Variants in SLC17A5 observed in about 807,000 individuals in gnomAD.
SLC17A5 encodes sialin.
SLC17A5 carries 47 observed loss-of-function variants against 59.4 expected under a neutral mutation model. That is an observed-to-expected ratio of 0.79 (90% CI 0.63 to 1.01). SLC17A5 has a LOEUF of 1.01. SLC17A5 is among the 50% of genes least tolerant of loss of function. The pLI, the probability that SLC17A5 is intolerant of heterozygous loss-of-function variation, is 0.00. For synonymous variants in SLC17A5, 202 were observed against 210.7 expected, an observed-to-expected ratio of 0.96 and a Z score of 0.36; for missense variants, 522 against 595.5, an observed-to-expected ratio of 0.88 and a Z score of 1.28.
intron 10 of SLC17A5, among the ~76,000 whole-genome samples, chr6:73,595,902 A>T (rs1766769824): frequency 6.9e-6 from 1 of 145,482 alleles, no homozygotes; most frequent in African/African-American, 2.5e-5. Context: ...GTGTATATAT[A>T]TGTATATATA....
At chr6:73,614,160 G>C (rs1423378036) in intron 8 of SLC17A5, among the ~76,000 whole-genome samples, 1 of 152,216 alleles carries the variant, frequency 6.6e-6, no homozygotes, top group African/African-American at 2.4e-5. Flanking sequence ...TAGCTACTCA[G>C]GAGGCTGAGG....
At chr6:73,651,354 G>C (rs1250588619) in intron 1 of SLC17A5, among the ~76,000 whole-genome samples, 1 of 149,766 alleles carries the variant, frequency 6.7e-6, no homozygotes, top group Admixed American at 6.7e-5. Context: ...CCAGCTACTC[G>C]GGAGGCTGAG....
chr6:73,646,680 T>TG (rs1491473131), intron 1 of SLC17A5, among the ~76,000 whole-genome samples: 1 of 129,278 alleles, frequency 7.7e-6, no homozygotes, highest in East Asian at 2.2e-4. Flanking sequence ...TTTTTCTTTC[T>TG]TTTTTTTTTT....
chr6:73,648,361 G>A (rs1298692263), intron 1 of SLC17A5, among the ~76,000 whole-genome samples: 1 of 152,178 alleles, frequency 6.6e-6, no homozygotes, highest in Non-Finnish European at 1.5e-5. Flanking sequence ...AAGGAACATG[G>A]CACCCATCAA....
chr6:73,648,316 T>C (rs548065248), intron 1 of SLC17A5, among the ~76,000 whole-genome samples: 3 of 152,326 alleles, frequency 2.0e-5, no homozygotes, highest in South Asian at 2.1e-4. Context: ...GAACATCCAT[T>C]GAGCATCAAG....
chr6:73,597,483 A>C (rs1208504943), intron 10 of SLC17A5, among the ~76,000 whole-genome samples: 1 of 151,078 alleles, frequency 6.6e-6, no homozygotes, highest in Non-Finnish European at 1.5e-5. Flanking sequence ...AAAACAAAAC[A>C]AAACAAAAAA....
At chr6:73,648,238 C>T (rs1262910639) in intron 1 of SLC17A5, among the ~76,000 whole-genome samples, 2 of 152,140 alleles carry the variant, frequency 1.3e-5, no homozygotes, top group African/African-American at 4.8e-5. Context: ...TAAAGAAAAA[C>T]ATGCCTGGGA....
chr6:73,609,338 TG>T (rs1415641783), intron 9 of SLC17A5, among the ~76,000 whole-genome samples: 2 of 152,216 alleles, frequency 1.3e-5, no homozygotes, highest in Non-Finnish European at 2.9e-5. Context: ...GTTCAAGTTT[TG>T]GCTCTATCAT....
chr6:73,630,339 G>A (rs1200031928), intron 6 of SLC17A5, among the ~76,000 whole-genome samples: 1 of 152,080 alleles, frequency 6.6e-6, no homozygotes, highest in Non-Finnish European at 1.5e-5. Context: ...AACTATATAT[G>A]CTATCATAAT....
intron 5 of SLC17A5, 129 bp from the exon 6 acceptor site, chr6:73,635,629 T>C: frequency 1.7e-6 from 1 of 598,496 alleles, no homozygotes; most frequent in Non-Finnish European, 2.9e-6. Flanking sequence ...TATGTAACTA[T>C]AAATTCAATG....
chr6:73,642,337 T>C (rs1454491105), intron 2 of SLC17A5, among the ~76,000 whole-genome samples: 1 of 151,890 alleles, frequency 6.6e-6, no homozygotes, highest in Non-Finnish European at 1.5e-5. Context: ...TCCAGAAAGC[T>C]ATTAAGCAGA....
chr6:73,647,839 G>A (rs776205996), intron 1 of SLC17A5, among the ~76,000 whole-genome samples: 11 of 152,194 alleles, frequency 7.2e-5, no homozygotes, highest in African/African-American at 2.4e-4. Flanking sequence ...AGGACGAAGC[G>A]GGTGGATCAC....
Position 73,594,020 on chromosome 6 carries a change from A to C in SLC17A5, c.*1057T>G, listed in dbSNP as rs1388705249. 6.6e-6 allele frequency: 1 copy of C among 150,694 alleles called. No individual in the cohort carries two copies. The highest frequency in any genetic ancestry group is 1.9e-4 in the East Asian group (1 of 5,132). The allele number at this position is 150,694 out of a possible 1,614,324, so 9.3% of individuals were successfully genotyped here. On this transcript the variant is annotated 3_prime_UTR_variant, in exon 11 of 11. Transcript: ENST00000355773. ...CTGGGCATCGCACTTTTCTTTCTTT[A>C]TTCTTTTTTTTTTTTTGAGTTGGAG...
intron 10 of SLC17A5, among the ~76,000 whole-genome samples, chr6:73,599,004 C>A (rs1010586215): frequency 5.4e-5 from 8 of 149,406 alleles, no homozygotes; most frequent in African/African-American, 1.5e-4. Flanking sequence ...AACCAAAAAA[C>A]ACACACACAC....
intron 5 of SLC17A5, 27 bp from the exon 6 acceptor site, chr6:73,635,527 T>C (rs1396629577): frequency 6.1e-6 from 7 of 1,143,534 alleles, no homozygotes; most frequent in Non-Finnish European, 7.7e-6. Context: ...AATAGTTAGA[T>C]AAAATTAGAA....
Position 73,620,105 on chromosome 6 carries a change from G to A in SLC17A5, c.978+1699C>T, listed in dbSNP as rs1336809850. ...TGCCTGGCTAATTTTTATATTTTTAGTAGAGATGGGGTTTCACATGTTGGC... is the reference window on the plus strand; with the variant it reads ...TGCCTGGCTAATTTTTATATTTTTAATAGAGATGGGGTTTCACATGTTGGC... On this transcript the variant is annotated intron_variant, in intron 7 of 10. Transcript: ENST00000355773. Among the ~76,000 whole-genome samples the A allele has an allele frequency of 2.0e-5, 3 of 151,772 alleles. No homozygotes were observed. The South Asian group carries it at 6.2e-4, about 32-fold the overall frequency.
rs182742314 is a variant in SLC17A5 at position 73,597,242 on chromosome 6, C to T, written c.1351-2028G>A. Among the ~76,000 whole-genome samples the T allele has an allele frequency of 1.9e-3, 287 of 148,330 alleles. 2 individuals carry two copies. Among genetic ancestry groups the T allele is most frequent in the African/African-American group, 6.9e-3 (275 of 40,134 alleles). On this transcript the variant is annotated intron_variant, in intron 10 of 10. Transcript: ENST00000355773. ...TAGCACTTTGGGAGGCCATGGTGGG[C>T]GGATCACGAGGTCAGGAGATGGAGA...
chr6:73,605,124 C>T (rs999090770), intron 9 of SLC17A5, among the ~76,000 whole-genome samples: 5 of 152,072 alleles, frequency 3.3e-5, no homozygotes, highest in African/African-American at 9.7e-5. Context: ...GGATTACAGG[C>T]GAGAGCCACT....
rs548399606 is a variant in SLC17A5, at chr6:73,596,459, C to T, written c.1351-1245G>A. Among the ~76,000 whole-genome samples, 5 of 152,298 alleles carry T rather than the reference C, an allele frequency of 3.3e-5. No individual in the cohort carries two copies. The South Asian group carries it at 8.3e-4, about 25-fold the overall frequency. On this transcript the variant is annotated intron_variant, in intron 10 of 10. Transcript: ENST00000355773. ...AACCCTGTGGCATAAAAATATCAGA[C>T]AGTTATCTAAATTTCTGGGTCATGT... is the stretch of plus-strand genomic sequence containing the variant.
Sources: allele counts gnomAD v4.1 joint callset (sites outside exome capture counted in the v4.1 genomes callset), GRCh38; gene constraint gnomAD v4.1.1; transcripts MANE v1.5; gene names NCBI Gene and HGNC (gene_info 2026-07-23, HGNC 2026-07-21).